Variants in RAP1GAP2 observed in about 807,000 individuals in gnomAD.
RAP1GAP2 encodes the protein RAP1 GTPase activating protein 2.
RAP1GAP2 carries 27 observed loss-of-function variants against 95.0 expected under a neutral mutation model. The observed-to-expected ratio is 0.28, with a 90% CI of 0.21 to 0.39. RAP1GAP2 has a LOEUF of 0.39. RAP1GAP2 is among the 10% of genes least tolerant of loss of function. The pLI is 1.00. For missense variants in RAP1GAP2, 771 were observed against 970.0 expected (o/e 0.79, Z 2.72); for synonymous variants, 373 against 380.9 (o/e 0.98, Z 0.24).
intron 10 of RAP1GAP2, among the ~76,000 whole-genome samples, chr17:2,984,506 C>T (rs922248838): frequency 5.9e-5 from 9 of 152,312 alleles, no homozygotes; most frequent in African/African-American, 1.4e-4. Context: ...TCCTCCTTAG[C>T]GTGGTCTCCT....
intron 10 of RAP1GAP2, among the ~76,000 whole-genome samples, chr17:2,984,719 C>T (rs987883992): frequency 6.6e-6 from 1 of 152,190 alleles, no homozygotes; most frequent in Non-Finnish European, 1.5e-5. Context: ...CGAGCCTTGA[C>T]TGGCACATCT....
intron 2 of RAP1GAP2, among the ~76,000 whole-genome samples, chr17:2,858,668 G>A (rs993519419): frequency 6.6e-6 from 1 of 152,138 alleles, no homozygotes; most frequent in African/African-American, 2.4e-5. Flanking sequence ...AGCACGTTGG[G>A]AGGCCAAGGT....
At chr17:2,994,506 G>T (rs1436353704) in intron 12 of RAP1GAP2, among the ~76,000 whole-genome samples, 1 of 152,160 alleles carries the variant, frequency 6.6e-6, no homozygotes, top group Non-Finnish European at 1.5e-5. Flanking sequence ...TGCTGCAGTG[G>T]TTGGGCCTGT....
chr17:2,927,334 T>C (rs1003202382), intron 3 of RAP1GAP2, among the ~76,000 whole-genome samples: 32 of 151,490 alleles, frequency 2.1e-4, no homozygotes, highest in South Asian at 8.4e-4. Flanking sequence ...TTTGTATTTT[T>C]AGTAGAGACG....
rs976009282 is a variant in RAP1GAP2 at position 2,965,411 on chromosome 17, A to G, written c.493-129A>G. Reference sequence around the variant, plus strand: ...GTCGGTACCTGTTAATGTCGTTGTCATTGTCATCAGTAGCATCCTTCTCTT... The same window carrying G: ...GTCGGTACCTGTTAATGTCGTTGTCGTTGTCATCAGTAGCATCCTTCTCTT... On this transcript the variant is annotated intron_variant, in intron 7 of 24. Coordinates refer to ENST00000254695, the MANE Select transcript of RAP1GAP2 (RefSeq NM_015085.5). This position sits in a 1 kb window ranked among gnomAD's most constrained non-coding sequence, Gnocchi z 4.7. 2.8e-6 allele frequency: 2 copies of G among 720,812 alleles called. No individual in the cohort carries two copies. Among genetic ancestry groups the G allele is most frequent in the South Asian group, 1.8e-5 (1 of 55,642 alleles). 44.7% of individuals were successfully genotyped at this position (720,812 alleles called of 1,614,324 possible).
At chr17:2,767,359 T>TAAAA (rs397857982) in intron 1 of RAP1GAP2, among the ~76,000 whole-genome samples, 15 of 53,726 alleles carry the variant, frequency 2.8e-4, no homozygotes, top group South Asian at 1.3e-3. Context: ...GAGACTCTGT[T>TAAAA]AAAAAAAAAA....
chr17:3,002,323 A>AG (rs928347575), intron 14 of RAP1GAP2, among the ~76,000 whole-genome samples: 7 of 152,170 alleles, frequency 4.6e-5, no homozygotes, highest in African/African-American at 1.7e-4. Flanking sequence ...GATGAGAAGC[A>AG]GGGGGGCAGG....
At chr17:2,938,255 G>C (rs1461901140) in intron 3 of RAP1GAP2, among the ~76,000 whole-genome samples, 1 of 152,140 alleles carries the variant, frequency 6.6e-6, no homozygotes. Flanking sequence ...CATGCAGCTT[G>C]TCAGCAGCAG....
chr17:2,987,728 A>G (rs1255288260), intron 11 of RAP1GAP2, among the ~76,000 whole-genome samples: 1 of 152,202 alleles, frequency 6.6e-6, no homozygotes, highest in Non-Finnish European at 1.5e-5. Context: ...TCATGAAATG[A>G]AGGTAATTCT....
chr17:2,795,271 C>T (rs1009080588), upstream of RAP1GAP2, among the ~76,000 whole-genome samples: 2 of 151,996 alleles, frequency 1.3e-5, no homozygotes, highest in African/African-American at 4.8e-5. Flanking sequence ...TCTGTGCCCA[C>T]TCCCCCCAGT....
intron 2 of RAP1GAP2, among the ~76,000 whole-genome samples, chr17:2,864,006 C>A (rs980003077): frequency 6.6e-6 from 1 of 151,864 alleles, no homozygotes; most frequent in Admixed American, 6.6e-5. Context: ...GAGCCGAGAT[C>A]GCGCCACTGC....
At chr17:2,919,664 G>T (rs993548101) in intron 3 of RAP1GAP2, among the ~76,000 whole-genome samples, 2 of 152,120 alleles carry the variant, frequency 1.3e-5, no homozygotes, top group Non-Finnish European at 2.9e-5. Context: ...GTGACCGGCT[G>T]CCAGGCCCTC....
At position 3,026,382 on chromosome 17, in the gene RAP1GAP2, C is replaced by G. The variant is rs1401708341; in HGVS notation, c.1898C>G (p.Ala633Gly). The stretch of plus-strand genomic sequence containing the variant: ...ATGAAGTTGAAGGAAAACGGCCGTG[C>G]CATCTCCCGCTCCTCCTCCAGCACC... ...PFMKLKENGRAISRSSSSTSS... is the reference protein window; with the variant it reads ...PFMKLKENGRGISRSSSSTSS... The change falls in exon 21 of 25, where the codon GCC becomes GGC. Residue 633 changes from alanine (A) to glycine (G), a missense_variant. Coordinates refer to ENST00000254695, the MANE Select transcript of RAP1GAP2 (RefSeq NM_015085.5). 1.9e-6 allele frequency: 3 copies of G among 1,552,068 alleles called. No homozygotes were observed. The African/African-American group carries it at 4.1e-5, about 21-fold the overall frequency.
chr17:2,861,479 T>C (rs1022365150), intron 2 of RAP1GAP2, among the ~76,000 whole-genome samples: 4 of 146,184 alleles, frequency 2.7e-5, no homozygotes, highest in African/African-American at 9.9e-5. Context: ...TCTGGGGTCT[T>C]TTTTTTTTTT....
At chr17:2,802,112 T>G (rs2069326692) in intron 2 of RAP1GAP2, among the ~76,000 whole-genome samples, 1 of 152,158 alleles carries the variant, frequency 6.6e-6, no homozygotes, top group South Asian at 2.1e-4. Flanking sequence ...ATTCCTCCAA[T>G]GAATCGCCCT....
intron 2 of RAP1GAP2, among the ~76,000 whole-genome samples, chr17:2,845,550 T>C (rs2071546346): frequency 6.6e-6 from 1 of 152,274 alleles, no homozygotes; most frequent in Non-Finnish European, 1.5e-5. Context: ...CTAATGTTTT[T>C]GTATCTTAGA....
At chr17:2,821,141 C>G (rs1388022590) in intron 2 of RAP1GAP2, among the ~76,000 whole-genome samples, 1 of 152,000 alleles carries the variant, frequency 6.6e-6, no homozygotes, top group African/African-American at 2.4e-5. Flanking sequence ...TCCCTCGAGT[C>G]CCTCTCCACA....
rs1333619610 is a variant in RAP1GAP2 at position 2,809,506 on chromosome 17, GC to G, written c.80+8962del. 2.6e-5 allele frequency among the ~76,000 whole-genome samples: 4 copies of G among 152,116 alleles called. No individual in the cohort carries two copies. In the South Asian group the frequency reaches 6.2e-4, roughly 24 times the overall value. ...AGCCGAGACCCAACCATCCCCGGAG[GC>G]CCCCCTCACCCCTCTCAGCTCCCCG... On this transcript the variant is annotated intron_variant, in intron 2 of 24. Transcript: ENST00000254695.
At chr17:2,770,764 G>C (rs1386509257) in intron 2 of RAP1GAP2, among the ~76,000 whole-genome samples, 1 of 152,204 alleles carries the variant, frequency 6.6e-6, no homozygotes, top group East Asian at 1.9e-4. Context: ...AGATTGGTCG[G>C]GCTCAGTGGC....
Sources: gnomAD v4.1 joint callset for allele counts (sites outside exome capture counted in the v4.1 genomes callset) on GRCh38, gnomAD v4.1.1 for gene constraint, Gnocchi (gnomAD v3.1) non-coding constraint, MANE v1.5 for transcripts, NCBI Gene and HGNC (gene_info 2026-07-23, HGNC 2026-07-21) for gene names.